The following KDM4C variants were observed in gnomAD, a reference collection of about 807,000 sequenced individuals.
KDM4C encodes lysine-specific demethylase 4C.
In KDM4C, 81 loss-of-function variants were observed where a neutral mutation model predicts 129.3. That is an observed-to-expected ratio of 0.63 (90% CI 0.52 to 0.75). KDM4C has a LOEUF of 0.75. Among genes scored for constraint, KDM4C ranks in the 30% least tolerant of loss-of-function variants. The pLI, the probability that KDM4C is intolerant of heterozygous loss-of-function variation, is 0.00. For missense variants in KDM4C, 1,457 were observed against 1,304.0 expected (o/e 1.12, Z -1.81); for synonymous variants, 573 against 456.1 (o/e 1.26, Z -3.26).
At chr9:6,821,530 C>T (rs544009285) in intron 4 of KDM4C, among the ~76,000 whole-genome samples, 4 of 152,038 alleles carry the variant, frequency 2.6e-5, no homozygotes, top group Non-Finnish European at 5.9e-5. Context: ...TTTTGAGAAG[C>T]GCCTGTTCAT....
At chr9:6,994,858 A>G (rs1303232364) in intron 12 of KDM4C, among the ~76,000 whole-genome samples, 1 of 152,212 alleles carries the variant, frequency 6.6e-6, no homozygotes, top group Non-Finnish European at 1.5e-5. Flanking sequence ...AGAATTGAAA[A>G]TCTCTCTACC....
At chr9:6,905,899 G>T (rs185438631) in intron 8 of KDM4C, among the ~76,000 whole-genome samples, 1 of 152,204 alleles carries the variant, frequency 6.6e-6, no homozygotes, top group African/African-American at 2.4e-5. Context: ...TGAGGATCCT[G>T]CCAGTTAGAG....
At chr9:7,025,055 A>G (rs1345877759) in intron 15 of KDM4C, among the ~76,000 whole-genome samples, 1 of 152,114 alleles carries the variant, frequency 6.6e-6, no homozygotes, top group Non-Finnish European at 1.5e-5. Context: ...TTGAATGCAT[A>G]TATATTTATG....
chr9:7,109,766 CT>C (rs1336972303), intron 18 of KDM4C, among the ~76,000 whole-genome samples: 3 of 152,092 alleles, frequency 2.0e-5, no homozygotes, highest in Admixed American at 6.6e-5. Context: ...CTTTTGGAGC[CT>C]CTTCTAGGTG....
intron 18 of KDM4C, among the ~76,000 whole-genome samples, chr9:7,105,891 A>T (rs1295240187): frequency 6.6e-6 from 1 of 152,190 alleles, no homozygotes; most frequent in African/African-American, 2.4e-5. Context: ...GTTTGAGGTG[A>T]TTTAGAAACT....
chr9:6,994,586 A>G (rs776145933), intron 12 of KDM4C, among the ~76,000 whole-genome samples: 9 of 152,118 alleles, frequency 5.9e-5, no homozygotes, highest in Non-Finnish European at 1.2e-4. Context: ...ATTTCCCTGC[A>G]ATCATGGTAG....
At chr9:7,134,898 C>G (rs534172536) in intron 19 of KDM4C, among the ~76,000 whole-genome samples, 2 of 152,180 alleles carry the variant, frequency 1.3e-5, no homozygotes, top group East Asian at 1.9e-4. Context: ...AACCTTGTGC[C>G]TTTCACTGGG....
chr9:7,040,832 A>C (rs1052669741), intron 15 of KDM4C, among the ~76,000 whole-genome samples: 1 of 151,338 alleles, frequency 6.6e-6, no homozygotes, highest in Admixed American at 6.6e-5. Flanking sequence ...TTTGGTTTCC[A>C]GAATTTTGAT....
chr9:6,972,308 AAAAG>A (rs1037194783), intron 8 of KDM4C, among the ~76,000 whole-genome samples: 3 of 152,102 alleles, frequency 2.0e-5, no homozygotes, highest in African/African-American at 4.8e-5. Flanking sequence ...TGAAAATAGA[AAAAG>A]AAAACACACA....
At chr9:6,978,590 ATTCCT>A (rs1481666099) in intron 8 of KDM4C, 1 of 145,118 alleles carries the variant, frequency 6.9e-6, no homozygotes, top group Non-Finnish European at 1.5e-5. Flanking sequence ...CCTTGGAGTC[ATTCCT>A]TTCTTTTTTT....
chr9:7,067,923 G>C (rs1023195605), intron 17 of KDM4C, among the ~76,000 whole-genome samples: 1 of 152,054 alleles, frequency 6.6e-6, no homozygotes, highest in Non-Finnish European at 1.5e-5. Flanking sequence ...AGCCTCCCGA[G>C]TAGCTGGGAC....
chr9:7,020,413 C>T (rs545963871), intron 15 of KDM4C, among the ~76,000 whole-genome samples: 65 of 152,292 alleles, frequency 4.3e-4, no homozygotes, highest in African/African-American at 1.5e-3. Flanking sequence ...ACAGCTATAG[C>T]GTTTGACTTA....
Position 7,104,827 on chromosome 9 carries a change from G to A in KDM4C, c.2610+957G>A, listed in dbSNP as rs75603698. On this transcript the variant is annotated intron_variant, in intron 18 of 21. Coordinates refer to ENST00000381309, the MANE Select transcript of KDM4C (RefSeq NM_015061.6). ...CCTCTTGTGAGCAGCCTGCCAAGTC[G>A]TCAGCATTGGCTTGTGGAGTCACAC... Among the ~76,000 whole-genome samples, 106 of 152,318 alleles carry A rather than the reference G, an allele frequency of 7.0e-4. 1 individual carries two copies. The highest frequency in any genetic ancestry group is 2.1e-3 in the South Asian group (10 of 4,824).
intron 8 of KDM4C, among the ~76,000 whole-genome samples, chr9:6,943,654 G>A (rs7867363): frequency 2.7e-5 from 4 of 150,304 alleles, no homozygotes; most frequent in Non-Finnish European, 4.4e-5. Context: ...CAGTCTGGGC[G>A]ACATAGGGAA....
intron 5 of KDM4C, among the ~76,000 whole-genome samples, chr9:6,867,557 C>T (rs911086674): frequency 2.0e-5 from 3 of 152,166 alleles, no homozygotes; most frequent in Non-Finnish European, 2.9e-5. Context: ...TTTCATTTAT[C>T]GTCAACTTCT....
chr9:6,866,641 A>G (rs548517528), intron 5 of KDM4C, among the ~76,000 whole-genome samples: 1 of 152,144 alleles, frequency 6.6e-6, no homozygotes, highest in African/African-American at 2.4e-5. Flanking sequence ...AAGAAGGGAC[A>G]GTGTCCTCCT....
chr9:7,168,294 C>G (rs1362973038), intron 20 of KDM4C, among the ~76,000 whole-genome samples: 1 of 152,014 alleles, frequency 6.6e-6, no homozygotes, highest in African/African-American at 2.4e-5. Flanking sequence ...TACCTTTTGA[C>G]TAGAAGTATA....
At chr9:6,790,327 C>G (rs1346765492) in intron 1 of KDM4C, among the ~76,000 whole-genome samples, 1 of 151,394 alleles carries the variant, frequency 6.6e-6, no homozygotes, top group East Asian at 2.0e-4. Context: ...TCACTGCAAG[C>G]TCCGCCTCCT....
intron 16 of KDM4C, among the ~76,000 whole-genome samples, chr9:7,048,005 T>C (rs1302565444): frequency 6.6e-6 from 1 of 152,080 alleles, no homozygotes; most frequent in African/African-American, 2.4e-5. Flanking sequence ...CATTATTACA[T>C]TAATAAAATT....
Sources: gnomAD v4.1 joint callset for allele counts (sites outside exome capture counted in the v4.1 genomes callset) on GRCh38, gnomAD v4.1.1 for gene constraint, MANE v1.5 for transcripts, NCBI Gene and HGNC (gene_info 2026-07-23, HGNC 2026-07-21) for gene names.